Variants in SUGCT observed in about 807,000 individuals in gnomAD.
SUGCT encodes succinyl-CoA:glutarate CoA-transferase.
SUGCT carries 41 observed loss-of-function variants against 55.0 expected under a neutral mutation model. The ratio of observed to expected loss-of-function variants is 0.74; its 90% CI spans 0.58 to 0.97. The LOEUF is 0.97. Among genes scored for constraint, SUGCT ranks in the 50% least tolerant of loss-of-function variants. SUGCT has a pLI of 0.00. For synonymous variants in SUGCT, 187 were observed against 200.4 expected, an observed-to-expected ratio of 0.93 and a Z score of 0.56; for missense variants, 568 against 547.8, an observed-to-expected ratio of 1.04 and a Z score of -0.37.
intron 9 of SUGCT, among the ~76,000 whole-genome samples, chr7:40,349,597 T>G (rs1797506304): frequency 6.6e-6 from 1 of 152,192 alleles, no homozygotes; most frequent in South Asian, 2.1e-4. Flanking sequence ...AACTACTTAT[T>G]CTCAGTTACA....
At chr7:40,715,346 C>T (rs1001031383) in intron 12 of SUGCT, among the ~76,000 whole-genome samples, 4 of 152,082 alleles carry the variant, frequency 2.6e-5, no homozygotes, top group African/African-American at 9.7e-5. Context: ...TCTAGCCTGC[C>T]TCCGCTGTCT....
intron 11 of SUGCT, among the ~76,000 whole-genome samples, chr7:40,468,146 T>G (rs1283777494): frequency 2.0e-5 from 3 of 152,148 alleles, no homozygotes. Context: ...TGCGTGTTCC[T>G]TAATTGCTAC....
intron 12 of SUGCT, among the ~76,000 whole-genome samples, chr7:40,711,225 C>A (rs2128671703): frequency 6.6e-6 from 1 of 152,322 alleles, no homozygotes. Context: ...AAAAGAAAAG[C>A]TGGAGGCTGG....
In SUGCT at chr7:40,740,004, G is replaced by A. The variant is rs1416612456; in HGVS notation, c.1090-9430G>A. On this transcript the variant is annotated intron_variant, in intron 12 of 13. Transcript: ENST00000335693. ...TAAACTTATACATTTTGGGAGAATT[G>A]GGATCTTTACTATGTTGAATCATCC... 2.0e-5 allele frequency among the ~76,000 whole-genome samples: 3 copies of A among 152,066 alleles called. No individual in the cohort carries two copies. The East Asian group carries it at 5.8e-4, about 29-fold the overall frequency.
intron 1 of SUGCT, chr7:40,154,151 T>C: frequency 4.7e-6 from 1 of 213,538 alleles, no homozygotes; most frequent in Non-Finnish European, 1.0e-5. Context: ...AAACAGGAGC[T>C]CTGGTAATGC....
the SUGCT span, among the ~76,000 whole-genome samples, chr7:40,866,874 G>A: frequency 6.6e-6 from 1 of 151,944 alleles, no homozygotes; most frequent in Admixed American, 6.6e-5. Flanking sequence ...ATCCAAACTC[G>A]ATGTTTTATG....
intron 13 of SUGCT, among the ~76,000 whole-genome samples, chr7:40,753,839 T>G (rs1351264541): frequency 6.6e-6 from 1 of 152,220 alleles, no homozygotes; most frequent in East Asian, 1.9e-4. Context: ...AAATCCCTTT[T>G]GGCTACTTAA....
intron 12 of SUGCT, among the ~76,000 whole-genome samples, chr7:40,712,170 G>T (rs971883792): frequency 6.6e-6 from 1 of 152,190 alleles, no homozygotes; most frequent in African/African-American, 2.4e-5. Flanking sequence ...ATAGATCCAT[G>T]TCTGAATATT....
chr7:40,445,146 T>C (rs554980354), intron 9 of SUGCT, among the ~76,000 whole-genome samples: 3 of 151,822 alleles, frequency 2.0e-5, no homozygotes, highest in African/African-American at 7.2e-5. Context: ...ATAACTAAGA[T>C]CAGAGCAGAA....
At chr7:40,819,568 G>A (rs1461909071) in intron 13 of SUGCT, among the ~76,000 whole-genome samples, 1 of 152,182 alleles carries the variant, frequency 6.6e-6, no homozygotes, top group African/African-American at 2.4e-5. Flanking sequence ...TTTGAGAAGT[G>A]TCTGTTCATA....
chr7:40,767,634 A>G (rs1308079315), intron 13 of SUGCT, among the ~76,000 whole-genome samples: 1 of 152,194 alleles, frequency 6.6e-6, no homozygotes, highest in Non-Finnish European at 1.5e-5. Context: ...GTAACTGGTA[A>G]ATATGGTGTC....
At chr7:40,203,776 GA>G (rs924845315) in intron 6 of SUGCT, among the ~76,000 whole-genome samples, 71 of 124,980 alleles carry the variant, frequency 5.7e-4, no homozygotes, top group Admixed American at 2.2e-3. Flanking sequence ...CTCCATCTCA[GA>G]AAAAAAAAAA....
At chr7:40,357,316 CTAATT>C (rs1205524008) in intron 9 of SUGCT, among the ~76,000 whole-genome samples, 2 of 152,144 alleles carry the variant, frequency 1.3e-5, no homozygotes, top group Non-Finnish European at 2.9e-5. Context: ...GCTTTGTCAC[CTAATT>C]TAATTAAAAA....
At chr7:40,853,563 C>A (rs1255159369) in intron 13 of SUGCT, among the ~76,000 whole-genome samples, 1 of 152,066 alleles carries the variant, frequency 6.6e-6, no homozygotes, top group Non-Finnish European at 1.5e-5. Flanking sequence ...CAGGATTTTA[C>A]CATGTCGCCC....
At chr7:40,434,335 C>T (rs968842944) in intron 9 of SUGCT, among the ~76,000 whole-genome samples, 4 of 152,090 alleles carry the variant, frequency 2.6e-5, no homozygotes, top group Admixed American at 2.0e-4. Flanking sequence ...AGTTGAGGTA[C>T]ATTTGGAGAC....
the SUGCT span, among the ~76,000 whole-genome samples, chr7:40,933,073 AT>A: frequency 6.6e-6 from 1 of 151,838 alleles, no homozygotes; most frequent in African/African-American, 2.4e-5. Flanking sequence ...GCTGGTACCA[AT>A]TTTTCCTTTC....
At chr7:40,682,568 G>A (rs760005150) in intron 12 of SUGCT, among the ~76,000 whole-genome samples, 28 of 152,282 alleles carry the variant, frequency 1.8e-4, no homozygotes, top group African/African-American at 2.9e-4. Context: ...GTTGATGTCC[G>A]CTGGAGAACT....
intron 12 of SUGCT, among the ~76,000 whole-genome samples, chr7:40,663,128 A>G (rs1801416183): frequency 1.3e-5 from 2 of 152,228 alleles, no homozygotes; most frequent in Admixed American, 1.3e-4. Flanking sequence ...GCACATTAGT[A>G]AACTATTTTA....
chr7:40,882,546 A>G, the SUGCT span, among the ~76,000 whole-genome samples: 1 of 152,206 alleles, frequency 6.6e-6, no homozygotes, highest in Non-Finnish European at 1.5e-5. Context: ...GAAGAGGACT[A>G]TAGATATGCT....
Sources: allele counts gnomAD v4.1 joint callset (sites outside exome capture counted in the v4.1 genomes callset), GRCh38; gene constraint gnomAD v4.1.1; transcripts MANE v1.5; gene names NCBI Gene and HGNC (gene_info 2026-07-23, HGNC 2026-07-21).